HSD17B3: variants seen among roughly 807,000 people sequenced by gnomAD.
HSD17B3 encodes hydroxysteroid 17-beta dehydrogenase 3.
In HSD17B3, 29 loss-of-function variants were observed where a neutral mutation model predicts 41.1. The ratio of observed to expected loss-of-function variants is 0.71; its 90% CI spans 0.53 to 0.96. The LOEUF is 0.96. Among genes scored for constraint, HSD17B3 ranks in the 40% least tolerant of loss-of-function variants. The probability of loss-of-function intolerance (pLI) is 0.00; values close to 1 mark genes in which losing one functional copy is unlikely to be tolerated. For missense variants in HSD17B3, 323 were observed against 374.6 expected (o/e 0.86, Z 1.14); for synonymous variants, 126 against 145.6 (o/e 0.87, Z 0.97).
intron 9 of HSD17B3, among the ~76,000 whole-genome samples, chr9:96,243,295 C>A (rs1395619651): frequency 6.6e-6 from 1 of 152,176 alleles, no homozygotes; most frequent in Admixed American, 6.5e-5. Flanking sequence ...GAAGCAGGAC[C>A]CTCTGATGGG....
In HSD17B3 at chr9:96,246,567, A is replaced by C. The variant is rs1392199145; in HGVS notation, c.513T>G (p.His171Gln). 1 of 1,614,068 alleles carries C rather than the reference A, an allele frequency of 6.2e-7. No individual in the cohort carries two copies. Among genetic ancestry groups the C allele is most frequent in the Non-Finnish European group, 8.5e-7 (1 of 1,180,008 alleles). ...GAAGAAGGCCTTACCTTGATTCCAT[A>C]TGTTTCAGAATTAGCTGTGTCATCT... ...VVKMTQLILKHMESRQKGLIL... is the reference protein window; with the variant it reads ...VVKMTQLILKQMESRQKGLIL... The change falls in exon 7 of 11, where the codon CAT becomes CAG. Residue 171 changes from histidine (H) to glutamine (Q), a missense_variant. His to Gln is a conservative substitution (Grantham distance 24). Coordinates refer to ENST00000375263, the MANE Select transcript of HSD17B3 (RefSeq NM_000197.2).
chr9:96,255,478 C>A (rs1825614317), intron 2 of HSD17B3, among the ~76,000 whole-genome samples: 1 of 143,304 alleles, frequency 7.0e-6, no homozygotes, highest in African/African-American at 2.6e-5. Flanking sequence ...CAACCTCCAC[C>A]TCCAGGGTTC....
chr9:96,249,818 C>G, intron 5 of HSD17B3, 32 bp from the exon 6 acceptor site: 1 of 1,613,870 alleles, frequency 6.2e-7, no homozygotes, highest in Non-Finnish European at 8.5e-7. Flanking sequence ...ACACATCAGC[C>G]GGATGATTAG....
intron 9 of HSD17B3, 87 bp downstream of exon 9, chr9:96,244,242 G>A (rs1005960622): frequency 8.4e-6 from 11 of 1,308,932 alleles, no homozygotes; most frequent in African/African-American, 2.9e-5. Flanking sequence ...CCCCAGCCAC[G>A]GGAGGTCCAG....
chr9:96,279,845 C>G (rs567956792), intron 2 of HSD17B3, among the ~76,000 whole-genome samples: 2 of 151,990 alleles, frequency 1.3e-5, no homozygotes, highest in Admixed American at 1.3e-4. Context: ...TCTCGGCTCA[C>G]GGCAAGCTCC....
At chr9:96,298,316 A>G (rs1827441776) in intron 2 of HSD17B3, 100 bp downstream of exon 2, 1 of 913,964 alleles carries the variant, frequency 1.1e-6, no homozygotes, top group African/African-American at 1.6e-5. Context: ...AAATGAATGC[A>G]TACTGCTTTT....
chr9:96,244,353 A>T lies in HSD17B3; in HGVS notation c.648T>A (p.Tyr216Ter), dbSNP rs754771900. ...CAFSKALQEEYKAKEVIIQVL... is the reference protein window; with the variant it reads ...CAFSKALQEE ...CCTGGATGATGACTTCTTTTGCTTTATATTCCTCTTGCAGGGCCTTGGAAA... is the reference window on the plus strand; with the variant it reads ...CCTGGATGATGACTTCTTTTGCTTTTTATTCCTCTTGCAGGGCCTTGGAAA... The change falls in exon 9 of 11, where the codon TAT becomes TAA. Residue 216 changes from tyrosine to a stop codon, truncating the protein, a stop_gained. Transcript: ENST00000375263. LOFTEE classifies it high-confidence loss of function. The T allele has an allele frequency of 6.2e-7, 1 of 1,614,176 alleles. No homozygotes were observed. The highest frequency in any genetic ancestry group is 8.5e-7 in the Non-Finnish European group (1 of 1,180,030).
chr9:96,267,485 C>A (rs1426676642), intron 2 of HSD17B3, among the ~76,000 whole-genome samples: 1 of 151,958 alleles, frequency 6.6e-6, no homozygotes, highest in East Asian at 1.9e-4. Flanking sequence ...GAAAAAAATA[C>A]CTTCGGAGGA....
At chr9:96,281,637 C>A (rs1268043418) in intron 2 of HSD17B3, among the ~76,000 whole-genome samples, 1 of 152,138 alleles carries the variant, frequency 6.6e-6, no homozygotes, top group Non-Finnish European at 1.5e-5. Flanking sequence ...GAATAATCTG[C>A]CTTTCGCTCT....
At chr9:96,277,655 T>C (rs1205592671) in intron 2 of HSD17B3, among the ~76,000 whole-genome samples, 1 of 135,492 alleles carries the variant, frequency 7.4e-6, no homozygotes, top group African/African-American at 2.7e-5. Flanking sequence ...GAAAACTGTA[T>C]GGAAGTTCCT....
intron 10 of HSD17B3, among the ~76,000 whole-genome samples, chr9:96,237,901 G>T (rs1281076161): frequency 2.0e-5 from 3 of 151,918 alleles, no homozygotes; most frequent in Non-Finnish European, 4.4e-5. Context: ...AGGCCAAAGC[G>T]GGAGGATAGC....
chr9:96,292,287 T>G (rs1365681819), intron 2 of HSD17B3, among the ~76,000 whole-genome samples: 1 of 152,018 alleles, frequency 6.6e-6, no homozygotes, highest in African/African-American at 2.4e-5. Flanking sequence ...TCCATTGGAG[T>G]GTTACAAGGA....
At chr9:96,280,860 T>C (rs979186139) in intron 2 of HSD17B3, among the ~76,000 whole-genome samples, 15 of 152,162 alleles carry the variant, frequency 9.9e-5, no homozygotes, top group African/African-American at 3.6e-4. Flanking sequence ...GTCATCCTCA[T>C]TGCTACACTC....
chr9:96,262,669 G>A (rs963686584), intron 2 of HSD17B3, among the ~76,000 whole-genome samples: 18 of 151,840 alleles, frequency 1.2e-4, no homozygotes, highest in Non-Finnish European at 2.4e-4. Context: ...TATTAGGTTG[G>A]TGCAAAAGCA....
At chr9:96,254,771 G>T in intron 3 of HSD17B3, 97 bp downstream of exon 3, 1 of 1,019,734 alleles carries the variant, frequency 9.8e-7, no homozygotes, top group Non-Finnish European at 1.5e-6. Context: ...GGCTCTGAGA[G>T]CAGATGTGGG....
At chr9:96,247,668 T>C (rs1427618381) in intron 6 of HSD17B3, among the ~76,000 whole-genome samples, 1 of 152,158 alleles carries the variant, frequency 6.6e-6, no homozygotes, top group Non-Finnish European at 1.5e-5. Flanking sequence ...CATAGGGATA[T>C]TATATGAGCC....
chr9:96,243,492 T>C (rs1487919953), intron 9 of HSD17B3, among the ~76,000 whole-genome samples: 1 of 152,252 alleles, frequency 6.6e-6, no homozygotes, highest in Non-Finnish European at 1.5e-5. Flanking sequence ...ATACTCTCAC[T>C]GGATATTTTA....
At chr9:96,293,871 T>G (rs1302864017) in intron 2 of HSD17B3, among the ~76,000 whole-genome samples, 1 of 152,166 alleles carries the variant, frequency 6.6e-6, no homozygotes, top group Non-Finnish European at 1.5e-5. Context: ...AAAACCTAGG[T>G]GAGACTGTTA....
At chr9:96,280,488 A>G (rs1826648803) in intron 2 of HSD17B3, among the ~76,000 whole-genome samples, 1 of 152,218 alleles carries the variant, frequency 6.6e-6, no homozygotes, top group African/African-American at 2.4e-5. Context: ...AAATAACTAA[A>G]AACTCAATTT....
Sources: allele counts gnomAD v4.1 joint callset (sites outside exome capture counted in the v4.1 genomes callset), GRCh38; gene constraint gnomAD v4.1.1; transcripts MANE v1.5; gene names NCBI Gene and HGNC (gene_info 2026-07-23, HGNC 2026-07-21).